The following SUMF1 variants were observed in gnomAD, a reference collection of about 807,000 sequenced individuals.
SUMF1 encodes the protein formylglycine-generating enzyme.
In SUMF1, 48 loss-of-function variants were observed where a neutral mutation model predicts 47.6. The ratio of observed to expected loss-of-function variants is 1.01; its 90% confidence interval spans 0.80 to 1.28. SUMF1 has a LOEUF of 1.28. Among genes scored for constraint, SUMF1 ranks in the 50% most tolerant of loss-of-function variants. SUMF1 has a pLI of 0.00. For missense variants in SUMF1, 571 were observed against 485.4 expected, an observed-to-expected ratio of 1.18 and a Z score of -1.66; for synonymous variants, 230 against 192.1, an observed-to-expected ratio of 1.20 and a Z score of -1.63.
chr3:4,302,663 G>A (rs892180987), intron 8 of SUMF1, among the ~76,000 whole-genome samples: 1 of 152,092 alleles, frequency 6.6e-6, no homozygotes, highest in African/African-American at 2.4e-5. Context: ...CCCTTCAGAT[G>A]GTTTGGAGGA....
downstream of SUMF1, among the ~76,000 whole-genome samples, chr3:4,357,626 G>GGCATTATCTACTGTGGCAACAAGCAGC (rs1699650066): frequency 9.5e-6 from 1 of 105,206 alleles, no homozygotes; most frequent in African/African-American, 3.5e-5. Flanking sequence ...TATTTATTTT[G>GGCATTATCTACTGTGGCAACAAGCAGC]AGACGGAGTT....
chr3:4,119,383 T>A (rs1328242935), intron 8 of SUMF1, among the ~76,000 whole-genome samples: 1 of 152,092 alleles, frequency 6.6e-6, no homozygotes, highest in African/African-American at 2.4e-5. Flanking sequence ...GCCTTTGCAG[T>A]TTGACTATGA....
intron 8 of SUMF1, among the ~76,000 whole-genome samples, chr3:4,346,211 T>C (rs2130855): frequency 0.5 from 76,337 of 151,942 alleles, 19,270 homozygotes; most frequent in Admixed American, 0.57. Flanking sequence ...CTACCCCAAA[T>C]TAACAGAATA....
chr3:4,190,136 G>C (rs1695284168), intron 8 of SUMF1, among the ~76,000 whole-genome samples: 1 of 149,798 alleles, frequency 6.7e-6, no homozygotes, highest in African/African-American at 2.5e-5. Context: ...TTAAGAAACA[G>C]TATTCTCTGA....
In SUMF1 at chr3:4,214,735, A is replaced by G. The variant is rs144329764; in HGVS notation, c.1015-145990T>C. 2.9e-3 allele frequency among the ~76,000 whole-genome samples: 449 copies of G among 152,306 alleles called. 4 individuals carry two copies. Among genetic ancestry groups the G allele is most frequent in the African/African-American group, 0.01 (418 of 41,572 alleles). On this transcript the variant is annotated intron_variant and NMD_transcript_variant, in intron 8 of 12. Coordinates refer to the SUMF1 transcript ENST00000448413. Reference sequence around the variant, plus strand: ...GGATATTACCACTGATCCCACAGAAATCCAAACCACCATCAGAGATTACTA... The same window carrying G: ...GGATATTACCACTGATCCCACAGAAGTCCAAACCACCATCAGAGATTACTA...
intron 8 of SUMF1, among the ~76,000 whole-genome samples, chr3:4,300,516 C>T (rs143449322): frequency 2.0e-5 from 3 of 151,434 alleles, no homozygotes; most frequent in African/African-American, 7.4e-5. Context: ...TCATGAATAG[C>T]ACATTTATAA....
At chr3:4,167,031 T>G (rs2874813) in intron 8 of SUMF1, among the ~76,000 whole-genome samples, 52,128 of 151,626 alleles carry the variant, frequency 0.34, 9,132 homozygotes, top group East Asian at 0.4. Context: ...AGCAAAAGGG[T>G]TCTGATGGTA....
At chr3:4,317,151 G>A (rs553781514) in intron 8 of SUMF1, 40 of 1,548,544 alleles carry the variant, frequency 2.6e-5, no homozygotes, top group African/African-American at 4.1e-5. Flanking sequence ...AGAGTTCGTC[G>A]AATCCCAAAG....
chr3:4,247,180 G>A (rs1696690146), intron 8 of SUMF1, among the ~76,000 whole-genome samples: 1 of 152,184 alleles, frequency 6.6e-6, no homozygotes, highest in Non-Finnish European at 1.5e-5. Flanking sequence ...GTCAGCAACA[G>A]AAGCAAAACC....
intron 7 of SUMF1, among the ~76,000 whole-genome samples, chr3:4,406,774 T>C (rs1266901087): frequency 6.6e-6 from 1 of 152,154 alleles, no homozygotes; most frequent in African/African-American, 2.4e-5. Context: ...GATCACCCCA[T>C]CCTGTCACAT....
At chr3:4,123,920 G>T (rs895632732) in intron 8 of SUMF1, among the ~76,000 whole-genome samples, 1 of 152,084 alleles carries the variant, frequency 6.6e-6, no homozygotes, top group African/African-American at 2.4e-5. Flanking sequence ...TGGCTGATCC[G>T]TGTGAGTGTT....
At chr3:4,138,519 C>T (rs1693997010) in intron 8 of SUMF1, among the ~76,000 whole-genome samples, 1 of 152,040 alleles carries the variant, frequency 6.6e-6, no homozygotes, top group Non-Finnish European at 1.5e-5. Flanking sequence ...TAAAAATCAG[C>T]CACATGGACA....
chr3:4,214,276 C>T (rs74696682), intron 8 of SUMF1, among the ~76,000 whole-genome samples: 1 of 152,184 alleles, frequency 6.6e-6, no homozygotes, highest in South Asian at 2.1e-4. Context: ...TGAACAACCA[C>T]ATGGAAACTT....
chr3:4,217,167 T>TGGAATAC, intron 8 of SUMF1, among the ~76,000 whole-genome samples: 1 of 152,158 alleles, frequency 6.6e-6, no homozygotes, highest in South Asian at 2.1e-4. Flanking sequence ...ATACACACCA[T>TGGAATAC]GGAATACTAT....
chr3:4,423,936 G>C (rs1701987812), intron 3 of SUMF1, among the ~76,000 whole-genome samples: 1 of 152,164 alleles, frequency 6.6e-6, no homozygotes, highest in Non-Finnish European at 1.5e-5. Context: ...TGATCGAAAG[G>C]CCTGAGGCCT....
At chr3:4,465,527 C>T (rs933384193) in intron 1 of SUMF1, among the ~76,000 whole-genome samples, 1 of 151,422 alleles carries the variant, frequency 6.6e-6, no homozygotes, top group African/African-American at 2.4e-5. Flanking sequence ...TTATCAATTA[C>T]CAGGCAAGTT....
chr3:4,184,940 G>A (rs558251237), intron 8 of SUMF1, among the ~76,000 whole-genome samples: 19 of 152,092 alleles, frequency 1.2e-4, no homozygotes, highest in Non-Finnish European at 2.1e-4. Flanking sequence ...GTGAGCCACC[G>A]CACCTGGCCT....
At chr3:4,084,882 T>A (rs1692639499) in intron 8 of SUMF1, among the ~76,000 whole-genome samples, 1 of 152,082 alleles carries the variant, frequency 6.6e-6, no homozygotes, top group Non-Finnish European at 1.5e-5. Context: ...GAAGTGCCAA[T>A]TTTACGTCTT....
rs34228101 is a variant in SUMF1, at chr3:4,050,748, CAAA to C, written c.1191+17818_1191+17820del. On this transcript the variant is annotated intron_variant and NMD_transcript_variant, in intron 9 of 12. Transcript: ENST00000448413. ...GGGCAACCAGAGTGAGACCCTGTCT[CAAA>C]AAAAAAAAAAAAAAAGAAAGAAAAA... is the stretch of plus-strand genomic sequence containing the variant. Among the ~76,000 whole-genome samples the C allele has an allele frequency of 3.0e-3, 262 of 86,958 alleles. 1 individual carries two copies. Among genetic ancestry groups the C allele is most frequent in the Middle Eastern group, 0.018 (3 of 166 alleles). 57.0% of individuals were successfully genotyped at this position (86,958 alleles called of 152,430 possible).
Sources: gnomAD v4.1 joint callset for allele counts (sites outside exome capture counted in the v4.1 genomes callset) on GRCh38, gnomAD v4.1.1 for gene constraint, MANE v1.5 for transcripts, NCBI Gene and HGNC (gene_info 2026-07-23, HGNC 2026-07-21) for gene names.